SPINK6: variants seen among roughly 807,000 people sequenced by gnomAD.
SPINK6 encodes serine protease inhibitor Kazal-type 6.
Under a neutral mutation model 11.7 loss-of-function variants are expected in SPINK6, and 13 were observed. The observed-to-expected ratio is 1.11, with a 90% CI of 0.72 to 1.76. The LOEUF is 1.76. Among genes scored for constraint, SPINK6 ranks in the 40% most tolerant of loss-of-function variants. SPINK6 has a pLI of 0.00. For missense variants in SPINK6, 98 were observed against 93.7 expected, an observed-to-expected ratio of 1.05 and a Z score of -0.19; for synonymous variants, 21 against 31.9, an observed-to-expected ratio of 0.66 and a Z score of 1.15.
At chr5:148,211,737 T>C (rs1241223647) in intron 2 of SPINK6, among the ~76,000 whole-genome samples, 2 of 152,188 alleles carry the variant, frequency 1.3e-5, no homozygotes, top group Admixed American at 1.3e-4. Flanking sequence ...TATTTATCTG[T>C]TCTATGGAAG....
At chr5:148,206,659 G>A (rs1755503077) in intron 2 of SPINK6, among the ~76,000 whole-genome samples, 1 of 152,160 alleles carries the variant, frequency 6.6e-6, no homozygotes, top group Admixed American at 6.5e-5. Context: ...ACTGGAATGA[G>A]CACAAGTTAT....
intron 2 of SPINK6, among the ~76,000 whole-genome samples, chr5:148,213,503 C>A (rs971828921): frequency 6.6e-6 from 1 of 151,994 alleles, no homozygotes; most frequent in Non-Finnish European, 1.5e-5. Flanking sequence ...CCAGCCCATC[C>A]ATGTTTTGAT....
chr5:148,211,984 A>G (rs1234225951), intron 2 of SPINK6, among the ~76,000 whole-genome samples: 1 of 152,132 alleles, frequency 6.6e-6, no homozygotes, highest in Admixed American at 6.6e-5. Flanking sequence ...TGTAAGTGTC[A>G]CTTCATTCCA....
chr5:148,207,623 G>C (rs968505809), intron 2 of SPINK6, among the ~76,000 whole-genome samples: 1 of 152,126 alleles, frequency 6.6e-6, no homozygotes, highest in Non-Finnish European at 1.5e-5. Context: ...CTGAGGCCAG[G>C]AGTTAGAGAC....
chr5:148,213,818 T>C (rs1755646148), intron 2 of SPINK6, 92 bp from the exon 3 acceptor site: 2 of 671,656 alleles, frequency 3.0e-6, no homozygotes, highest in Non-Finnish European at 5.4e-6. Context: ...TATTTATATA[T>C]GGTTTTTAAA....
At chr5:148,211,079 G>C (rs1365116643) in intron 2 of SPINK6, among the ~76,000 whole-genome samples, 1 of 152,052 alleles carries the variant, frequency 6.6e-6, no homozygotes, top group Non-Finnish European at 1.5e-5. Context: ...GTCTTTAGTT[G>C]ACTTAATGAC....
At position 148,211,086 on chromosome 5, in the gene SPINK6, T is replaced by C. The variant is rs1474404086; in HGVS notation, c.82-2824T>C. Among the ~76,000 whole-genome samples, 3 of 152,320 alleles carry C rather than the reference T, an allele frequency of 2.0e-5. No homozygotes were observed. In the East Asian group the frequency reaches 5.8e-4, roughly 29 times the overall value. On this transcript the variant is annotated intron_variant, in intron 2 of 3. Transcript: ENST00000325630. ...AATCCTGAGTCTTTAGTTGACTTAA[T>C]GACCATATAAGCTCAAATTTCCAGA...
At chr5:148,212,096 G>T (rs1259140935) in intron 2 of SPINK6, among the ~76,000 whole-genome samples, 2 of 146,540 alleles carry the variant, frequency 1.4e-5, no homozygotes, top group African/African-American at 5.0e-5. Context: ...ACTTGACATT[G>T]TGTTGAAAAC....
At chr5:148,213,576 A>C (rs138189759) in intron 2 of SPINK6, among the ~76,000 whole-genome samples, 140 of 152,244 alleles carry the variant, frequency 9.2e-4, no homozygotes, top group Non-Finnish European at 1.3e-3. Flanking sequence ...TTCATGACCG[A>C]AAACCACTCT....
At chr5:148,206,236 TAACCACA>T (rs371535551) in intron 2 of SPINK6, among the ~76,000 whole-genome samples, 178 bp downstream of exon 2, 1 of 151,818 alleles carries the variant, frequency 6.6e-6, no homozygotes, top group Admixed American at 6.6e-5. Flanking sequence ...TAAAAGAACC[TAACCACA>T]CATTCTCATA....
At position 148,203,158 on chromosome 5, in the gene SPINK6, A is replaced by G; in HGVS notation, c.58+4A>G. Reference sequence around the variant, plus strand: ...GCTCTTTTCTGCTTTTTAACAGGTAAGTTTTTTCTTAAAATTAAGATCCCA... The same window carrying G: ...GCTCTTTTCTGCTTTTTAACAGGTAGGTTTTTTCTTAAAATTAAGATCCCA... On this transcript the variant is annotated splice_donor_region_variant and intron_variant, in intron 1 of 3. Transcript: ENST00000325630. The G allele has an allele frequency of 6.2e-7, 1 of 1,607,472 alleles. No individual in the cohort carries two copies. The highest frequency in any genetic ancestry group is 2.2e-5 in the East Asian group (1 of 44,670).
chr5:148,211,302 C>T (rs1755594559), intron 2 of SPINK6, among the ~76,000 whole-genome samples: 1 of 152,138 alleles, frequency 6.6e-6, no homozygotes, highest in Admixed American at 6.5e-5. Context: ...ATTTAAAACA[C>T]ATCACTGAAA....
rs1031974458 is a variant in SPINK6 at position 148,215,039 on chromosome 5, A to C, written c.*89A>C. On this transcript the variant is annotated 3_prime_UTR_variant, in exon 4 of 4. Coordinates refer to ENST00000325630, the MANE Select transcript of SPINK6 (RefSeq NM_205841.4). ...ATACTTTTGCTGGTGGATTCCTTTA[A>C]TTCATAAAGACATACCTACTCTGCC... The C allele has an allele frequency of 7.8e-7, 1 of 1,286,350 alleles. No individual in the cohort carries two copies. Among genetic ancestry groups the C allele is most frequent in the Non-Finnish European group, 1.1e-6 (1 of 888,270 alleles). The allele number at this position is 1,286,350 out of a possible 1,614,324, so 79.7% of individuals were successfully genotyped here.
rs112044445 is a variant in SPINK6 at position 148,205,998 on chromosome 5, A to G, written c.59-38A>G. On this transcript the variant is annotated intron_variant, in intron 1 of 3. Coordinates refer to ENST00000325630, the MANE Select transcript of SPINK6 (RefSeq NM_205841.4). ...TGAAAATTTCACTTTTTGTACATCA[A>G]TGAATTACAGTGTTTGAATGTTGTG... 9.9e-4 allele frequency: 1,603 copies of G among 1,612,358 alleles called. 24 individuals carry two copies. In the African/African-American group the frequency reaches 0.018, roughly 18 times the overall value.
chr5:148,213,639 A>T (rs1010088886), intron 2 of SPINK6, among the ~76,000 whole-genome samples: 1 of 152,184 alleles, frequency 6.6e-6, no homozygotes, highest in Non-Finnish European at 1.5e-5. Flanking sequence ...ATAGCATTTG[A>T]CTACATCATT....
At chr5:148,212,654 ATATT>A (rs1196408389) in intron 2 of SPINK6, among the ~76,000 whole-genome samples, 1 of 102,714 alleles carries the variant, frequency 9.7e-6, no homozygotes, top group African/African-American at 4.5e-5. Flanking sequence ...ATAAATATAT[ATATT>A]TATATATTTA....
chr5:148,207,097 G>A (rs1455968313), intron 2 of SPINK6, among the ~76,000 whole-genome samples: 2 of 151,744 alleles, frequency 1.3e-5, no homozygotes, highest in African/African-American at 4.8e-5. Context: ...ATGTGTGTTG[G>A]CATTGTCATA....
intron 2 of SPINK6, among the ~76,000 whole-genome samples, chr5:148,212,581 ATAAATATATT>A (rs1755618117): frequency 9.8e-6 from 1 of 102,498 alleles, no homozygotes; most frequent in African/African-American, 4.2e-5. Context: ...TATATATTAT[ATAAATATATT>A]TTATATAATA....
At chr5:148,209,991 T>TACACACGTACGTATGTATGTATTC (rs1398978551) in intron 2 of SPINK6, among the ~76,000 whole-genome samples, 1 of 145,404 alleles carries the variant, frequency 6.9e-6, no homozygotes, top group Non-Finnish European at 1.5e-5. Flanking sequence ...TATGTATACA[T>TACACACGTACGTATGTATGTATTC]ATACACGTAT....
Sources: gnomAD v4.1 joint callset for allele counts (sites outside exome capture counted in the v4.1 genomes callset) on GRCh38, gnomAD v4.1.1 for gene constraint, MANE v1.5 for transcripts, NCBI Gene and HGNC (gene_info 2026-07-23, HGNC 2026-07-21) for gene names.